GABRG3: variants seen among roughly 807,000 people sequenced by gnomAD.
The protein encoded by GABRG3 is gamma-aminobutyric acid receptor subunit gamma-3.
In GABRG3, 25 loss-of-function variants were observed where a neutral mutation model predicts 48.8. The ratio of observed to expected loss-of-function variants is 0.51; its 90% confidence interval spans 0.37 to 0.72. The LOEUF (loss-of-function observed/expected upper bound fraction) is 0.72, where lower values mean the gene tolerates loss of function less well. GABRG3 is among the 30% of genes least tolerant of loss of function. GABRG3 has a pLI of 0.00. For missense variants in GABRG3, 394 were observed against 577.9 expected (o/e 0.68, Z 3.26); for synonymous variants, 227 against 217.6 (o/e 1.04, Z -0.38).
chr15:27,131,013 T>C (rs1897907380), intron 3 of GABRG3, among the ~76,000 whole-genome samples: 1 of 152,120 alleles, frequency 6.6e-6, no homozygotes, highest in African/African-American at 2.4e-5. Context: ...CTTTCCAATT[T>C]GTATGCCTTT....
At chr15:27,113,469 G>T (rs889896681) in intron 3 of GABRG3, among the ~76,000 whole-genome samples, 8 of 152,170 alleles carry the variant, frequency 5.3e-5, no homozygotes, top group African/African-American at 1.9e-4. Flanking sequence ...TGCAGAAACT[G>T]CAGTGGTGTA....
intron 3 of GABRG3, among the ~76,000 whole-genome samples, chr15:27,210,104 C>T (rs1269576614): frequency 1.3e-5 from 2 of 152,168 alleles, no homozygotes; most frequent in African/African-American, 4.8e-5. Flanking sequence ...TGGACCATAA[C>T]TATGGGATGT....
chr15:27,077,883 A>T (rs1372890215), intron 3 of GABRG3, among the ~76,000 whole-genome samples: 1 of 152,208 alleles, frequency 6.6e-6, no homozygotes, highest in Non-Finnish European at 1.5e-5. Context: ...TCTCAGCATC[A>T]TCACAGCCCA....
intron 5 of GABRG3, among the ~76,000 whole-genome samples, chr15:27,421,931 C>T (rs937526212): frequency 1.3e-5 from 2 of 151,440 alleles, no homozygotes; most frequent in Non-Finnish European, 2.9e-5. Flanking sequence ...GGCTGCATAT[C>T]CACCAATACT....
chr15:27,397,721 G>A lies in GABRG3; in HGVS notation c.574+68833G>A, dbSNP rs142665081. The stretch of plus-strand genomic sequence containing the variant: ...AGCTAATATGAAGTAGAGGATTTTC[G>A]TGTGCAGGTATTTTTCTTGGTGTTT... On this transcript the variant is annotated intron_variant, in intron 5 of 9. Coordinates refer to ENST00000615808, the MANE Select transcript of GABRG3 (RefSeq NM_033223.5). Among the ~76,000 whole-genome samples, 567 of 151,794 alleles carry A rather than the reference G, an allele frequency of 3.7e-3. 1 individual carries two copies. The highest frequency in any genetic ancestry group is 0.012 in the African/African-American group (512 of 41,386).
chr15:27,102,327 A>G (rs796418891), intron 3 of GABRG3, among the ~76,000 whole-genome samples: 3 of 152,326 alleles, frequency 2.0e-5, no homozygotes, highest in African/African-American at 7.2e-5. Flanking sequence ...GGATTTGGAA[A>G]TGACTAATCA....
At chr15:27,265,010 T>C (rs1890875196) in intron 3 of GABRG3, among the ~76,000 whole-genome samples, 1 of 152,130 alleles carries the variant, frequency 6.6e-6, no homozygotes, top group South Asian at 2.1e-4. Context: ...TTCTCACCAT[T>C]ATAATCATCT....
chr15:27,496,723 A>G (rs966980470), intron 6 of GABRG3, among the ~76,000 whole-genome samples: 3 of 152,196 alleles, frequency 2.0e-5, no homozygotes, highest in Non-Finnish European at 4.4e-5. Flanking sequence ...ATGCTTGGGT[A>G]TCATAATAAA....
At chr15:27,308,559 GTTTATATAAA>G in intron 3 of GABRG3, among the ~76,000 whole-genome samples, 1 of 146,828 alleles carries the variant, frequency 6.8e-6, no homozygotes, top group Admixed American at 6.9e-5. Context: ...AAACATACAT[GTTTATATAAA>G]CATAATGTAA....
rs547577243 is a variant in GABRG3 at position 27,186,878 on chromosome 15, G to C, written c.271-139931G>C. On this transcript the variant is annotated intron_variant, in intron 3 of 9. Coordinates refer to ENST00000615808, the MANE Select transcript of GABRG3 (RefSeq NM_033223.5). ...TGATTTCCCATTCCATAGGTTGTCT[G>C]TTTACTCCCTTGATAGTTTCTCTTG... Among the ~76,000 whole-genome samples, 13 of 152,172 alleles carry C rather than the reference G, an allele frequency of 8.5e-5. 1 individual carries two copies. In the South Asian group the frequency reaches 2.7e-3, roughly 32 times the overall value.
intron 5 of GABRG3, among the ~76,000 whole-genome samples, chr15:27,397,954 G>A (rs187440544): frequency 0.03 from 4,498 of 151,814 alleles, 122 homozygotes; most frequent in Non-Finnish European, 0.037. Flanking sequence ...ACAGGCGCCC[G>A]CCACCACGCC....
At chr15:27,313,790 A>C (rs958624137) in intron 3 of GABRG3, among the ~76,000 whole-genome samples, 1 of 152,146 alleles carries the variant, frequency 6.6e-6, no homozygotes, top group African/African-American at 2.4e-5. Context: ...AAACGAAAGC[A>C]TAACATACCA....
At chr15:27,081,894 C>T (rs1325070194) in intron 3 of GABRG3, among the ~76,000 whole-genome samples, 1 of 152,178 alleles carries the variant, frequency 6.6e-6, no homozygotes, top group East Asian at 1.9e-4. Context: ...TGGTAGATCC[C>T]TCCAGTGGCT....
intron 3 of GABRG3, among the ~76,000 whole-genome samples, chr15:27,192,284 T>C (rs1303744500): frequency 6.6e-6 from 1 of 152,188 alleles, no homozygotes; most frequent in Non-Finnish European, 1.5e-5. Flanking sequence ...CTTGCTAGAT[T>C]GGGGAAGTTC....
chr15:27,371,029 G>T (rs1895394691), intron 5 of GABRG3, among the ~76,000 whole-genome samples: 2 of 152,086 alleles, frequency 1.3e-5, no homozygotes, highest in Admixed American at 6.6e-5. Context: ...GTTGAATTTC[G>T]AAGTGACTTG....
rs10600874 is a variant in GABRG3, at chr15:27,300,678, CAA to C, written c.271-26113_271-26112del. Among the ~76,000 whole-genome samples, 582 of 101,250 alleles carry C rather than the reference CAA, an allele frequency of 5.7e-3. 3 individuals carry two copies. The highest frequency in any genetic ancestry group is 0.02 in the African/African-American group (548 of 27,532). The allele number at this position is 101,250 out of a possible 152,430, so 66.4% of individuals were successfully genotyped here. A position where few individuals can be genotyped will look rare whatever the true frequency, so the allele number is the denominator to read the frequency against. On this transcript the variant is annotated intron_variant, in intron 3 of 9. Coordinates refer to ENST00000615808, the MANE Select transcript of GABRG3 (RefSeq NM_033223.5). Reference sequence around the variant, plus strand: ...ATCTCAAAATAAATAAATAAATAAGCAAAAAAAAAAAAAAAAAAACACCTGGA... The same window carrying C: ...ATCTCAAAATAAATAAATAAATAAGCAAAAAAAAAAAAAAAAACACCTGGA...
At chr15:27,366,916 C>T (rs933398901) in intron 5 of GABRG3, among the ~76,000 whole-genome samples, 6 of 152,172 alleles carry the variant, frequency 3.9e-5, no homozygotes, top group Admixed American at 2.6e-4. Context: ...GCAGCCTGCT[C>T]CTCAGTGTCA....
chr15:27,345,878 A>AC (rs1894347985), intron 5 of GABRG3, among the ~76,000 whole-genome samples: 1 of 152,020 alleles, frequency 6.6e-6, no homozygotes, highest in South Asian at 2.1e-4. Flanking sequence ...ATGTGGTGAA[A>AC]CCCCATCTCT....
chr15:27,411,080 T>C (rs1397372935), intron 5 of GABRG3, among the ~76,000 whole-genome samples: 1 of 152,152 alleles, frequency 6.6e-6, no homozygotes, highest in African/African-American at 2.4e-5. Context: ...ATTAGAGCTT[T>C]TCGAAGCACT....
Sources: gnomAD v4.1 joint callset for allele counts (sites outside exome capture counted in the v4.1 genomes callset) on GRCh38, gnomAD v4.1.1 for gene constraint, MANE v1.5 for transcripts, NCBI Gene and HGNC (gene_info 2026-07-23, HGNC 2026-07-21) for gene names.